Variants in PIK3C2G observed in about 807,000 individuals in gnomAD.
PIK3C2G encodes phosphatidylinositol 3-kinase C2 domain-containing subunit gamma.
PIK3C2G carries 168 observed loss-of-function variants against 181.1 expected under a neutral mutation model. That is an observed-to-expected ratio of 0.93 (90% CI 0.82 to 1.05). The LOEUF (loss-of-function observed/expected upper bound fraction) is 1.05, where lower values mean the gene tolerates loss of function less well. PIK3C2G is among the 50% of genes least tolerant of loss of function. The pLI, the probability that PIK3C2G is intolerant of heterozygous loss-of-function variation, is 0.00. For synonymous variants in PIK3C2G, 573 were observed against 592.2 expected, an observed-to-expected ratio of 0.97 and a Z score of 0.47; for missense variants, 1,869 against 1,732.8, an observed-to-expected ratio of 1.08 and a Z score of -1.40.
the PIK3C2G span, among the ~76,000 whole-genome samples, chr12:18,699,264 T>G: frequency 6.6e-6 from 1 of 152,180 alleles, no homozygotes; most frequent in East Asian, 1.9e-4. Flanking sequence ...TGATTAACCC[T>G]ACCCTCTTCA....
chr12:18,331,518 A>G (rs187628123), intron 8 of PIK3C2G, among the ~76,000 whole-genome samples: 1 of 152,158 alleles, frequency 6.6e-6, no homozygotes, highest in Admixed American at 6.6e-5. Flanking sequence ...CTTCTATACT[A>G]TGTCTTCTTG....
chr12:18,545,252 T>C (rs1944362238), intron 25 of PIK3C2G, among the ~76,000 whole-genome samples: 1 of 151,880 alleles, frequency 6.6e-6, no homozygotes. Context: ...TATGTCTTGC[T>C]TTCCTATACA....
intron 29 of PIK3C2G, among the ~76,000 whole-genome samples, chr12:18,581,221 G>A (rs1946484513): frequency 6.6e-6 from 1 of 152,068 alleles, no homozygotes; most frequent in Non-Finnish European, 1.5e-5. Flanking sequence ...TTATTCAGTT[G>A]GGTTTCAAAT....
intron 8 of PIK3C2G, among the ~76,000 whole-genome samples, chr12:18,325,630 C>T (rs955854930): frequency 2.0e-5 from 3 of 151,098 alleles, no homozygotes; most frequent in Non-Finnish European, 2.9e-5. Context: ...ATAGCTTGAA[C>T]CCGGGAGGTG....
upstream of PIK3C2G, among the ~76,000 whole-genome samples, chr12:18,242,999 T>C (rs1350134958): frequency 6.6e-6 from 1 of 152,160 alleles, no homozygotes; most frequent in Non-Finnish European, 1.5e-5. Context: ...CCTTGCCCTG[T>C]TGGCATTTCT....
chr12:18,611,333 G>A (rs1948322654), intron 31 of PIK3C2G, among the ~76,000 whole-genome samples: 1 of 152,064 alleles, frequency 6.6e-6, no homozygotes, highest in Admixed American at 6.6e-5. Context: ...TACTAATGAT[G>A]TAGTAATACT....
At chr12:18,363,016 A>G (rs924470076) in intron 12 of PIK3C2G, 130 bp downstream of exon 12, 1 of 652,216 alleles carries the variant, frequency 1.5e-6, no homozygotes, top group Non-Finnish European at 2.5e-6. Flanking sequence ...GTGGTATGAT[A>G]AGTACACTAG....
intron 10 of PIK3C2G, among the ~76,000 whole-genome samples, chr12:18,344,701 T>C (rs572927094): frequency 6.6e-6 from 1 of 152,124 alleles, no homozygotes; most frequent in African/African-American, 2.4e-5. Context: ...TCATGATAGA[T>C]TTTAATTGAG....
chr12:18,525,480 C>A (rs1469657214), intron 24 of PIK3C2G, among the ~76,000 whole-genome samples: 1 of 152,112 alleles, frequency 6.6e-6, no homozygotes, highest in Non-Finnish European at 1.5e-5. Flanking sequence ...GACTGACAGA[C>A]TGGATCACAC....
chr12:18,531,590 T>C (rs911499681), intron 24 of PIK3C2G, among the ~76,000 whole-genome samples: 1 of 152,176 alleles, frequency 6.6e-6, no homozygotes, highest in East Asian at 1.9e-4. Flanking sequence ...TCAATTCCTA[T>C]GTTTTTGTCA....
At chr12:18,312,249 T>C (rs1950669557) in intron 5 of PIK3C2G, among the ~76,000 whole-genome samples, 1 of 152,180 alleles carries the variant, frequency 6.6e-6, no homozygotes, top group Non-Finnish European at 1.5e-5. Flanking sequence ...ACATCAAGTA[T>C]ATTATCTGGC....
rs764865181 is a variant in PIK3C2G at position 18,505,471 on chromosome 12, C to T, written c.3323+10C>T. On this transcript the variant is annotated intron_variant, in intron 24 of 32. Transcript: ENST00000538779. ...TTGGAGGGATAAAAAGGTCAGTGCA[C>T]AAATGTTTATTACAGTAATTAAGCA... The T allele has an allele frequency of 2.5e-6, 4 of 1,602,928 alleles. No individual in the cohort carries two copies. The highest frequency in any genetic ancestry group is 3.4e-6 in the Non-Finnish European group (4 of 1,172,582).
the PIK3C2G span, among the ~76,000 whole-genome samples, chr12:18,672,767 C>T: frequency 6.6e-6 from 1 of 152,150 alleles, no homozygotes; most frequent in African/African-American, 2.4e-5. Context: ...TCCCTTCAAC[C>T]TCCTGGTAGG....
chr12:18,490,470 A>G (rs1940457826), intron 19 of PIK3C2G, among the ~76,000 whole-genome samples: 1 of 152,102 alleles, frequency 6.6e-6, no homozygotes, highest in Non-Finnish European at 1.5e-5. Context: ...AAGTCTTTCT[A>G]ATTTACTCTA....
intron 31 of PIK3C2G, among the ~76,000 whole-genome samples, chr12:18,620,531 TAGA>T (rs1565570343): frequency 1.1e-5 from 1 of 93,428 alleles, no homozygotes; most frequent in African/African-American, 5.1e-5. Context: ...GACAGACAGA[TAGA>T]TAGATAGATA....
intron 16 of PIK3C2G, among the ~76,000 whole-genome samples, chr12:18,418,287 A>G (rs79040972): frequency 0.02 from 3,096 of 152,256 alleles, 51 homozygotes; most frequent in Middle Eastern, 0.068. Context: ...AGGGAATTTG[A>G]TCTACATTTT....
intron 29 of PIK3C2G, among the ~76,000 whole-genome samples, chr12:18,574,708 A>G (rs1946140231): frequency 6.6e-6 from 1 of 152,208 alleles, no homozygotes; most frequent in Admixed American, 6.5e-5. Flanking sequence ...AAAGTAAATT[A>G]CAGGCATTGT....
Position 18,483,471 on chromosome 12 carries a change from G to C in PIK3C2G, c.2505-4978G>C, listed in dbSNP as rs1183795371. Among the ~76,000 whole-genome samples the C allele has an allele frequency of 2.0e-5, 3 of 152,126 alleles. No individual in the cohort carries two copies. In the East Asian group the frequency reaches 5.8e-4, roughly 29 times the overall value. On this transcript the variant is annotated intron_variant, in intron 18 of 32. Transcript: ENST00000538779. ...TTTAGCAGTGGCACAGAATATACAT[G>C]TCCAAGTAAGCTGGATCAAATCATT...
intron 18 of PIK3C2G, among the ~76,000 whole-genome samples, chr12:18,439,838 A>G (rs1263097939): frequency 1.3e-5 from 2 of 152,126 alleles, no homozygotes; most frequent in African/African-American, 4.8e-5. Context: ...GATCAAATTT[A>G]TTAATCACAC....
Sources: allele counts gnomAD v4.1 joint callset (sites outside exome capture counted in the v4.1 genomes callset), GRCh38; gene constraint gnomAD v4.1.1; transcripts MANE v1.5; gene names NCBI Gene and HGNC (gene_info 2026-07-23, HGNC 2026-07-21).